The following FRMD4A variants were observed in gnomAD, a reference collection of about 807,000 sequenced individuals.
FRMD4A encodes FERM domain containing 4A.
In FRMD4A, 29 loss-of-function variants were observed where a neutral mutation model predicts 129.1. That is an observed-to-expected ratio of 0.22 (90% CI 0.17 to 0.31). FRMD4A has a LOEUF of 0.31. Ranked by LOEUF, FRMD4A falls within the 10% of genes least tolerant of loss-of-function variation. The probability of loss-of-function intolerance (pLI) is 1.00; values close to 1 mark genes in which losing one functional copy is unlikely to be tolerated. For synonymous variants in FRMD4A, 634 were observed against 571.6 expected (o/e 1.11, Z -1.56); for missense variants, 1,272 against 1,375.8 (o/e 0.92, Z 1.19).
chr10:14,310,486 G>A (rs912137557), intron 2 of FRMD4A, among the ~76,000 whole-genome samples: 2 of 152,218 alleles, frequency 1.3e-5, no homozygotes, highest in African/African-American at 2.4e-5. Context: ...CAAGCTGAAA[G>A]CTTGCACGGG....
At chr10:14,035,641 C>T (rs61835702) in intron 2 of FRMD4A, among the ~76,000 whole-genome samples, 41,694 of 151,820 alleles carry the variant, frequency 0.27, 6,541 homozygotes, top group East Asian at 0.42. Flanking sequence ...TTTATTATAA[C>T]GGAGATCAGG....
chr10:13,851,393 T>G (rs897612265), intron 3 of FRMD4A, among the ~76,000 whole-genome samples: 1 of 152,194 alleles, frequency 6.6e-6, no homozygotes, highest in Non-Finnish European at 1.5e-5. Flanking sequence ...CCCTGGGCCA[T>G]GGACTGGTAC....
chr10:13,791,764 G>A (rs764937071), intron 5 of FRMD4A, among the ~76,000 whole-genome samples: 2 of 152,198 alleles, frequency 1.3e-5, no homozygotes, highest in Non-Finnish European at 2.9e-5. Context: ...CAGTGAGCAG[G>A]CTGCTGCATG....
chr10:14,172,600 A>C (rs1433927555), intron 2 of FRMD4A, among the ~76,000 whole-genome samples: 1 of 152,236 alleles, frequency 6.6e-6, no homozygotes, highest in African/African-American at 2.4e-5. Context: ...GATAGTTTGC[A>C]ATTTGAAAAC....
intron 2 of FRMD4A, among the ~76,000 whole-genome samples, chr10:14,040,239 C>T (rs898920966): frequency 6.6e-6 from 1 of 151,908 alleles, no homozygotes; most frequent in Non-Finnish European, 1.5e-5. Flanking sequence ...TGTGTGTGTA[C>T]AACATTCTAA....
chr10:13,766,106 G>A (rs1339344570), intron 6 of FRMD4A, among the ~76,000 whole-genome samples: 1 of 152,192 alleles, frequency 6.6e-6, no homozygotes, highest in Non-Finnish European at 1.5e-5. Flanking sequence ...CGCGGAGGCG[G>A]GTAACACGAA....
intron 2 of FRMD4A, among the ~76,000 whole-genome samples, chr10:14,013,948 A>C (rs923683661): frequency 2.6e-5 from 4 of 152,154 alleles, no homozygotes; most frequent in Non-Finnish European, 5.9e-5. Flanking sequence ...AAAACAAACA[A>C]ACAAAAAACC....
intron 2 of FRMD4A, among the ~76,000 whole-genome samples, chr10:14,005,213 A>G (rs923216520): frequency 2.0e-5 from 3 of 152,062 alleles, no homozygotes; most frequent in African/African-American, 7.2e-5. Context: ...TAGTACAGAC[A>G]GGGTTTCACC....
intron 2 of FRMD4A, among the ~76,000 whole-genome samples, chr10:14,311,692 G>A (rs1353342732): frequency 6.6e-6 from 1 of 151,518 alleles, no homozygotes; most frequent in Non-Finnish European, 1.5e-5. Context: ...GCTCTCCAGG[G>A]CTGTTCCATC....
At chr10:14,023,970 TC>T (rs1173170053) in intron 2 of FRMD4A, among the ~76,000 whole-genome samples, 1 of 152,060 alleles carries the variant, frequency 6.6e-6, no homozygotes, top group African/African-American at 2.4e-5. Flanking sequence ...TTGAGCACCC[TC>T]CCCACTTTTT....
intron 22 of FRMD4A, chr10:13,654,884 C>T (rs1459497989): frequency 4.2e-6 from 1 of 237,060 alleles, no homozygotes; most frequent in East Asian, 9.4e-5. Context: ...TGAGCGAGAC[C>T]TGAGCAGGGC....
intron 2 of FRMD4A, among the ~76,000 whole-genome samples, chr10:14,152,626 C>T (rs1044039617): frequency 2.6e-5 from 4 of 152,044 alleles, no homozygotes; most frequent in South Asian, 2.1e-4. Flanking sequence ...CGCTTGAGGC[C>T]GGGAGTTCAA....
intron 3 of FRMD4A, among the ~76,000 whole-genome samples, chr10:13,825,431 G>C (rs548056645): frequency 1.2e-4 from 18 of 152,356 alleles, no homozygotes; most frequent in Admixed American, 2.0e-4. Flanking sequence ...CTAAGCAGCA[G>C]TATTAGATTC....
chr10:13,778,500 C>T (rs2092655594), intron 6 of FRMD4A, among the ~76,000 whole-genome samples: 2 of 151,956 alleles, frequency 1.3e-5, no homozygotes, highest in Admixed American at 1.3e-4. Context: ...CCAGGCCCTC[C>T]GTTATTCTGA....
At chr10:14,269,089 T>C (rs1177313129) in intron 2 of FRMD4A, among the ~76,000 whole-genome samples, 1 of 152,210 alleles carries the variant, frequency 6.6e-6, no homozygotes, top group African/African-American at 2.4e-5. Flanking sequence ...CCCATGATAA[T>C]AGCTCTGGGA....
intron 24 of FRMD4A, chr10:13,651,689 TG>T (rs774023128): frequency 7.0e-6 from 4 of 568,740 alleles, no homozygotes; most frequent in Non-Finnish European, 1.3e-5. Flanking sequence ...AAACATACTC[TG>T]GGGGTCTTTT....
At chr10:14,284,036 C>T (rs939840924) in intron 2 of FRMD4A, among the ~76,000 whole-genome samples, 1 of 152,110 alleles carries the variant, frequency 6.6e-6, no homozygotes, top group Non-Finnish European at 1.5e-5. Flanking sequence ...GTGTCTCCAC[C>T]CAAGCAGTCC....
chr10:13,780,365 C>T (rs538985842), intron 6 of FRMD4A, among the ~76,000 whole-genome samples: 1 of 151,922 alleles, frequency 6.6e-6, no homozygotes, highest in Admixed American at 6.6e-5. Context: ...CAGTTCCTAA[C>T]CTCAGTGATA....
intron 3 of FRMD4A, among the ~76,000 whole-genome samples, chr10:13,833,245 T>C (rs1018652436): frequency 6.6e-6 from 1 of 152,110 alleles, no homozygotes; most frequent in African/African-American, 2.4e-5. Flanking sequence ...TGGGGAGGCC[T>C]CACAATCATG....
Sources: gnomAD v4.1 joint callset for allele counts (sites outside exome capture counted in the v4.1 genomes callset) on GRCh38, gnomAD v4.1.1 for gene constraint, MANE v1.5 for transcripts, NCBI Gene and HGNC (gene_info 2026-07-23, HGNC 2026-07-21) for gene names.